AGBL1: variants seen among roughly 807,000 people sequenced by gnomAD.
The protein encoded by AGBL1 is AGBL carboxypeptidase 1, also known as cytosolic carboxypeptidase 4.
In AGBL1, 130 loss-of-function variants were observed where a neutral mutation model predicts 118.9. The observed-to-expected ratio is 1.09, with a 90% CI of 0.95 to 1.26. The LOEUF (loss-of-function observed/expected upper bound fraction) is 1.26. AGBL1 is among the 50% of genes most tolerant of loss of function. AGBL1 has a pLI of 0.00. For synonymous variants in AGBL1, 555 were observed against 478.9 expected, an observed-to-expected ratio of 1.16 and a Z score of -2.08; for missense variants, 1,584 against 1,298.1, an observed-to-expected ratio of 1.22 and a Z score of -3.38.
chr15:86,436,793 C>T (rs138944820), intron 18 of AGBL1, among the ~76,000 whole-genome samples: 124 of 152,254 alleles, frequency 8.1e-4, no homozygotes, highest in African/African-American at 2.9e-3. Context: ...TGAGGAAAGA[C>T]TAAGGATGTA....
chr15:87,026,177 G>C (rs1284814243), intron 24 of AGBL1, among the ~76,000 whole-genome samples: 1 of 152,014 alleles, frequency 6.6e-6, no homozygotes, highest in Admixed American at 6.6e-5. Flanking sequence ...AAACTAAAGA[G>C]CTTTTGCACG....
At chr15:86,930,505 GCTTA>G (rs201822563) in intron 23 of AGBL1, among the ~76,000 whole-genome samples, 2,608 of 152,138 alleles carry the variant, frequency 0.017, 38 homozygotes, top group Middle Eastern at 0.044. Context: ...CCTCTGAGAT[GCTTA>G]CTTAGAGGTC....
At position 86,264,754 on chromosome 15, in the gene AGBL1, A is replaced by G. The variant is rs372186294; in HGVS notation, c.1583A>G (p.Lys528Arg). ...ARRTSSVVDF[K>R]MMAFPDVWGH... ...AGAACCAGCTCTGTGGTGGACTTCA[A>G]GATGATGGCATTTCCTGATGTCTGG... The change falls in exon 11 of 23, where the codon AAG (lysine) becomes AGG (arginine). Residue 528 changes from lysine (K) to arginine (R), a missense_variant. By Grantham distance (26) the Lys-to-Arg change is conservative (BLOSUM62 2). Transcript: ENST00000614907. The G allele has an allele frequency of 9.9e-6, 16 of 1,613,936 alleles. No homozygotes were observed. Among genetic ancestry groups the G allele is most frequent in the Non-Finnish European group, 1.1e-5 (13 of 1,179,910 alleles).
chr15:86,436,658 A>T (rs988179533), intron 18 of AGBL1, among the ~76,000 whole-genome samples: 1 of 152,166 alleles, frequency 6.6e-6, no homozygotes, highest in Admixed American at 6.5e-5. Context: ...GTTAATGGGA[A>T]GACTTATATT....
intron 20 of AGBL1, among the ~76,000 whole-genome samples, chr15:86,553,814 A>T (rs2083694767): frequency 6.6e-6 from 1 of 151,948 alleles, no homozygotes; most frequent in Admixed American, 6.6e-5. Flanking sequence ...TGGCATTTGG[A>T]TTCCTTTCTA....
chr15:87,024,831 C>CA (rs1246356309), intron 24 of AGBL1, among the ~76,000 whole-genome samples: 1 of 151,772 alleles, frequency 6.6e-6, no homozygotes, highest in African/African-American at 2.4e-5. Flanking sequence ...TTAGCATAGG[C>CA]AAGTCAATAA....
At chr15:86,680,362 C>G (rs894619504) in intron 22 of AGBL1, among the ~76,000 whole-genome samples, 3 of 151,922 alleles carry the variant, frequency 2.0e-5, no homozygotes, top group African/African-American at 7.2e-5. Context: ...CATATTAATA[C>G]ATATGTGAAT....
intron 21 of AGBL1, among the ~76,000 whole-genome samples, chr15:86,670,634 C>CTG (rs575413341): frequency 0.01 from 355 of 34,642 alleles, 4 homozygotes; most frequent in African/African-American, 0.017. Context: ...CACAAACACG[C>CTG]TGTGTGTGTG....
chr15:86,158,289 C>A (rs2077219691), intron 4 of AGBL1, among the ~76,000 whole-genome samples: 1 of 152,188 alleles, frequency 6.6e-6, no homozygotes, highest in Non-Finnish European at 1.5e-5. Flanking sequence ...AGGGTTGGAG[C>A]AATTCAGTAT....
intron 19 of AGBL1, among the ~76,000 whole-genome samples, chr15:86,535,110 A>G (rs930617610): frequency 3.3e-5 from 5 of 152,240 alleles, no homozygotes; most frequent in African/African-American, 9.6e-5. Context: ...CCTTAAATGA[A>G]GCTGACTAGC....
intron 18 of AGBL1, among the ~76,000 whole-genome samples, chr15:86,475,645 A>G (rs2082547021): frequency 6.6e-6 from 1 of 152,214 alleles, no homozygotes; most frequent in Non-Finnish European, 1.5e-5. Flanking sequence ...GTTGGAAAAC[A>G]CTCGGCAGGA....
At chr15:86,779,667 C>T (rs2078304604) in intron 22 of AGBL1, among the ~76,000 whole-genome samples, 1 of 152,148 alleles carries the variant, frequency 6.6e-6, no homozygotes, top group Non-Finnish European at 1.5e-5. Context: ...TCTGATGATC[C>T]ACATTACCAA....
intron 1 of AGBL1, chr15:86,107,519 C>A (rs757127022): frequency 2.6e-5 from 4 of 152,168 alleles, no homozygotes; most frequent in Non-Finnish European, 4.4e-5. Context: ...GCCCTAGGTG[C>A]TTGATGAATA....
At chr15:86,626,995 G>A (rs1296725382) in intron 21 of AGBL1, among the ~76,000 whole-genome samples, 2 of 146,796 alleles carry the variant, frequency 1.4e-5, no homozygotes, top group South Asian at 2.1e-4. Flanking sequence ...CTGCCACAAC[G>A]ACCAGCTAAT....
chr15:86,364,144 C>T (rs749749762), intron 17 of AGBL1, among the ~76,000 whole-genome samples: 32 of 152,124 alleles, frequency 2.1e-4, no homozygotes, highest in Non-Finnish European at 3.2e-4. Context: ...TTCTTTTCTT[C>T]AGACGCCATC....
intron 3 of AGBL1, among the ~76,000 whole-genome samples, chr15:86,152,371 A>G (rs1213500268): frequency 6.6e-6 from 1 of 152,162 alleles, no homozygotes; most frequent in African/African-American, 2.4e-5. Context: ...CACATCTACA[A>G]CGATCTGATC....
intron 24 of AGBL1, among the ~76,000 whole-genome samples, chr15:87,011,495 T>A (rs566144810): frequency 6.6e-6 from 1 of 152,366 alleles, no homozygotes; most frequent in African/African-American, 2.4e-5. Flanking sequence ...AGAGATAAAT[T>A]ACTTGGTAAT....
chr15:86,885,657 G>C (rs929602542), intron 22 of AGBL1, among the ~76,000 whole-genome samples: 2 of 152,124 alleles, frequency 1.3e-5, no homozygotes, highest in African/African-American at 4.8e-5. Context: ...TGTGAAAAAA[G>C]CAATAAGATA....
At chr15:86,815,411 A>T (rs1362761834) in intron 22 of AGBL1, among the ~76,000 whole-genome samples, 1 of 152,200 alleles carries the variant, frequency 6.6e-6, no homozygotes, top group Non-Finnish European at 1.5e-5. Flanking sequence ...ATTCTAAGAC[A>T]TTCCCACTTA....
Sources: gnomAD v4.1 joint callset for allele counts (sites outside exome capture counted in the v4.1 genomes callset) on GRCh38, gnomAD v4.1.1 for gene constraint, MANE v1.5 for transcripts, NCBI Gene and HGNC (gene_info 2026-07-23, HGNC 2026-07-21) for gene names.